The following MYO1D variants were observed in gnomAD, a reference collection of about 807,000 sequenced individuals.
MYO1D encodes unconventional myosin-Id.
A neutral mutation model predicts 122.0 loss-of-function variants in MYO1D; 83 were observed. The ratio of observed to expected loss-of-function variants is 0.68; its 90% CI spans 0.57 to 0.82. The LOEUF (loss-of-function observed/expected upper bound fraction) is 0.82. Among genes scored for constraint, MYO1D ranks in the 40% least tolerant of loss-of-function variants. MYO1D has a pLI of 0.00. For synonymous variants in MYO1D, 464 were observed against 446.9 expected (o/e 1.04, Z -0.48); for missense variants, 1,157 against 1,269.5 (o/e 0.91, Z 1.35).
chr17:32,707,915 G>A (rs2089328645), intron 16 of MYO1D, among the ~76,000 whole-genome samples: 1 of 152,194 alleles, frequency 6.6e-6, no homozygotes, highest in South Asian at 2.1e-4. Context: ...ATTGCTGGAG[G>A]AATTGAGTGC....
chr17:32,700,650 A>G (rs1306979428), intron 16 of MYO1D, among the ~76,000 whole-genome samples: 1 of 152,078 alleles, frequency 6.6e-6, no homozygotes, highest in Non-Finnish European at 1.5e-5. Flanking sequence ...ACAAATTAGA[A>G]ATCAGAAAAT....
intron 19 of MYO1D, among the ~76,000 whole-genome samples, chr17:32,641,256 G>GT (rs111405807): frequency 0.6 from 90,390 of 150,534 alleles, 27,436 homozygotes; most frequent in Middle Eastern, 0.7. Context: ...CCCTACAAAG[G>GT]ACATGAACTC....
intron 19 of MYO1D, among the ~76,000 whole-genome samples, chr17:32,648,374 T>C (rs1597969835): frequency 6.6e-6 from 1 of 152,344 alleles, no homozygotes. Context: ...ACTCTTGTGA[T>C]TTTATGAGTG....
chr17:32,494,972 C>A (rs770055555), intron 21 of MYO1D, 57 bp from the exon 22 acceptor site: 6 of 1,502,934 alleles, frequency 4.0e-6, no homozygotes, highest in Non-Finnish European at 5.4e-6. Context: ...GAACAGGGCA[C>A]CTGCCCGGCA....
intron 20 of MYO1D, among the ~76,000 whole-genome samples, chr17:32,628,340 C>T (rs778652977): frequency 2.0e-5 from 3 of 152,178 alleles, no homozygotes; most frequent in African/African-American, 2.4e-5. Flanking sequence ...AGGGGTCACC[C>T]GTAACTTAAT....
chr17:32,627,979 G>A (rs992851580), intron 20 of MYO1D, among the ~76,000 whole-genome samples: 1 of 152,142 alleles, frequency 6.6e-6, no homozygotes, highest in Non-Finnish European at 1.5e-5. Context: ...CTTCAGCCAC[G>A]GGGAGCAATC....
intron 20 of MYO1D, among the ~76,000 whole-genome samples, chr17:32,630,513 A>T (rs2087989772): frequency 6.6e-6 from 1 of 152,192 alleles, no homozygotes; most frequent in Non-Finnish European, 1.5e-5. Flanking sequence ...AAACAGCAGA[A>T]ATGTATTTCC....
rs142251351 is a variant in MYO1D, at chr17:32,804,246, C to T, written c.96-23462G>A. On this transcript the variant is annotated intron_variant, in intron 1 of 21. Coordinates refer to ENST00000318217, the MANE Select transcript of MYO1D (RefSeq NM_015194.3). ...ATACTATATTTTGGGGGAATGATGACCCAAAAAAGTCTGTACATGTTCAGT... is the reference window on the plus strand; with the variant it reads ...ATACTATATTTTGGGGGAATGATGATCCAAAAAAGTCTGTACATGTTCAGT... 1.6e-3 allele frequency among the ~76,000 whole-genome samples: 243 copies of T among 152,088 alleles called. 1 individual carries two copies. Among genetic ancestry groups the T allele is most frequent in the African/African-American group, 5.6e-3 (233 of 41,512 alleles).
intron 1 of MYO1D, among the ~76,000 whole-genome samples, chr17:32,806,251 CTG>C (rs1451889849): frequency 6.6e-6 from 1 of 152,170 alleles, no homozygotes; most frequent in Non-Finnish European, 1.5e-5. Flanking sequence ...GAGCGAGACT[CTG>C]TCTCAAAAAC....
At chr17:32,620,642 TATA>T (rs2087843271) in intron 20 of MYO1D, among the ~76,000 whole-genome samples, 1 of 152,204 alleles carries the variant, frequency 6.6e-6, no homozygotes. Flanking sequence ...TGTTTTATGA[TATA>T]ATGTCTAGGG....
chr17:32,748,812 T>C, intron 12 of MYO1D, 124 bp downstream of exon 12: 6 of 870,470 alleles, frequency 6.9e-6, no homozygotes, highest in Admixed American at 2.1e-5. Flanking sequence ...AATTAAAATA[T>C]ATTGACATAT....
chr17:32,711,886 A>C, intron 16 of MYO1D, 102 bp downstream of exon 16: 1 of 1,008,128 alleles, frequency 9.9e-7, no homozygotes, highest in South Asian at 1.7e-5. Context: ...ACATAAAACA[A>C]CATATCTTCC....
intron 1 of MYO1D, among the ~76,000 whole-genome samples, chr17:32,796,395 C>A (rs2090417393): frequency 6.6e-6 from 1 of 152,090 alleles, no homozygotes; most frequent in South Asian, 2.1e-4. Context: ...ATATTAAAAA[C>A]CATGTGAATT....
intron 21 of MYO1D, among the ~76,000 whole-genome samples, chr17:32,603,393 A>C (rs1374055771): frequency 6.6e-6 from 1 of 152,190 alleles, no homozygotes; most frequent in Non-Finnish European, 1.5e-5. Flanking sequence ...ATTAAGAGTA[A>C]CAAATTAAAA....
At chr17:32,764,852 TGAC>T in intron 8 of MYO1D, 23 bp downstream of exon 8, 1 of 1,611,556 alleles carries the variant, frequency 6.2e-7, no homozygotes. Context: ...CAACACCAGG[TGAC>T]ATAGGGTCAG....
In MYO1D at chr17:32,802,182, A is replaced by G. The variant is rs1598110528; in HGVS notation, c.96-21398T>C. Among the ~76,000 whole-genome samples the G allele has an allele frequency of 2.0e-5, 3 of 152,308 alleles. No homozygotes were observed. In the South Asian group the frequency reaches 6.2e-4, roughly 32 times the overall value. The stretch of plus-strand genomic sequence containing the variant: ...CTCAAGTCTGTGCTCTTCTGACAGT[A>G]TGATCATTTGTTTAAAGTACCTAAT... On this transcript the variant is annotated intron_variant, in intron 1 of 21. Coordinates refer to ENST00000318217, the MANE Select transcript of MYO1D (RefSeq NM_015194.3).
At chr17:32,746,865 G>A (rs1026742770) in intron 12 of MYO1D, among the ~76,000 whole-genome samples, 6 of 152,196 alleles carry the variant, frequency 3.9e-5, no homozygotes, top group African/African-American at 1.2e-4. Flanking sequence ...GTGGCATTGC[G>A]TAAGAACTTT....
intron 21 of MYO1D, among the ~76,000 whole-genome samples, chr17:32,573,814 T>C (rs547066504): frequency 2.6e-5 from 4 of 152,192 alleles, no homozygotes; most frequent in Non-Finnish European, 5.9e-5. Flanking sequence ...TGTGAGCCAC[T>C]GTGCCCGGTC....
intron 21 of MYO1D, among the ~76,000 whole-genome samples, chr17:32,557,609 C>T (rs1452042709): frequency 2.0e-5 from 3 of 151,924 alleles, no homozygotes; most frequent in African/African-American, 7.3e-5. Context: ...GCGATCCTCC[C>T]GTTACCCACC....
Sources: allele counts gnomAD v4.1 joint callset (sites outside exome capture counted in the v4.1 genomes callset), GRCh38; gene constraint gnomAD v4.1.1; transcripts MANE v1.5; gene names NCBI Gene and HGNC (gene_info 2026-07-23, HGNC 2026-07-21).